The following CNTNAP5 variants were observed in gnomAD, a reference collection of about 807,000 sequenced individuals.
CNTNAP5 encodes contactin-associated protein-like 5.
Under a neutral mutation model 150.2 loss-of-function variants are expected in CNTNAP5, and 72 were observed. That is an observed-to-expected ratio of 0.48 (90% CI 0.40 to 0.58). The LOEUF (loss-of-function observed/expected upper bound fraction) is 0.58, where lower values mean the gene tolerates loss of function less well. CNTNAP5 is among the 20% of genes least tolerant of loss of function. The pLI is 0.00. For synonymous variants in CNTNAP5, 672 were observed against 619.8 expected (o/e 1.08, Z -1.25); for missense variants, 1,636 against 1,626.2 (o/e 1.01, Z -0.10).
At chr2:124,493,888 A>G (rs918044553) in intron 7 of CNTNAP5, among the ~76,000 whole-genome samples, 6 of 151,930 alleles carry the variant, frequency 3.9e-5, no homozygotes, top group African/African-American at 1.5e-4. Flanking sequence ...AAAGCAGCAT[A>G]TACTTGTATG....
chr2:124,915,153 C>T lies in CNTNAP5; in HGVS notation c.*865C>T, dbSNP rs1678737875. On this transcript the variant is annotated 3_prime_UTR_variant, in exon 24 of 24. Transcript: ENST00000682447. ...TGAGATATATATATATACACACACA[C>T]ACACATATGTGTATATATGTATATA... The T allele has an allele frequency of 6.0e-6, 1 of 165,796 alleles. No individual in the cohort carries two copies. Among genetic ancestry groups the T allele is most frequent in the Non-Finnish European group, 1.5e-5 (1 of 67,978 alleles). 10.3% of individuals were successfully genotyped at this position (165,796 alleles called of 1,614,324 possible).
At chr2:124,587,404 G>A (rs1696561736) in intron 11 of CNTNAP5, among the ~76,000 whole-genome samples, 1 of 152,146 alleles carries the variant, frequency 6.6e-6, no homozygotes, top group East Asian at 1.9e-4. Context: ...CCAGAAGGAA[G>A]AAATATTTAT....
chr2:124,711,608 A>G (rs961273702), intron 13 of CNTNAP5, among the ~76,000 whole-genome samples: 1 of 152,124 alleles, frequency 6.6e-6, no homozygotes, highest in Non-Finnish European at 1.5e-5. Flanking sequence ...CAGGTGGATC[A>G]TGAGGTCAGG....
intron 4 of CNTNAP5, among the ~76,000 whole-genome samples, chr2:124,420,141 C>T (rs1365024265): frequency 4.0e-5 from 6 of 151,732 alleles, no homozygotes; most frequent in African/African-American, 1.5e-4. Flanking sequence ...CAGGCGTGCA[C>T]CACCATGTCT....
At position 124,155,404 on chromosome 2, in the gene CNTNAP5, T is replaced by G. The variant is rs967283170; in HGVS notation, c.83-66301T>G. Reference sequence around the variant, plus strand: ...CTGAATCCGTGGTCTGTGTCTGCAGTTGGAAATATACAGGGCAGCAAATGT... The same window carrying G: ...CTGAATCCGTGGTCTGTGTCTGCAGGTGGAAATATACAGGGCAGCAAATGT... On this transcript the variant is annotated intron_variant, in intron 1 of 23. Transcript: ENST00000682447. 2.0e-5 allele frequency among the ~76,000 whole-genome samples: 3 copies of G among 152,166 alleles called. No homozygotes were observed. The East Asian group carries it at 5.8e-4, about 29-fold the overall frequency.
chr2:124,135,222 T>G (rs1683948588), intron 1 of CNTNAP5: 1 of 152,236 alleles, frequency 6.6e-6, no homozygotes, highest in African/African-American at 2.4e-5. Context: ...CGTTATCATT[T>G]GCAATATTTC....
chr2:124,828,343 T>C (rs1682642516), intron 19 of CNTNAP5, among the ~76,000 whole-genome samples: 2 of 152,128 alleles, frequency 1.3e-5, no homozygotes, highest in African/African-American at 4.8e-5. Context: ...TAGCCTGGCT[T>C]GGTGGCAGGC....
At chr2:124,268,831 A>C (rs541163201) in intron 3 of CNTNAP5, among the ~76,000 whole-genome samples, 2 of 152,266 alleles carry the variant, frequency 1.3e-5, no homozygotes, top group African/African-American at 4.8e-5. Context: ...CAGGCCCACA[A>C]GTGAGCTTAG....
chr2:124,616,864 A>G (rs904879129), intron 12 of CNTNAP5, among the ~76,000 whole-genome samples: 1 of 152,166 alleles, frequency 6.6e-6, no homozygotes, highest in Non-Finnish European at 1.5e-5. Context: ...TAGAGCAGTC[A>G]GAACACACAA....
rs535184793 is a variant in CNTNAP5, at chr2:124,182,697, A to C, written c.83-39008A>C. Reference sequence around the variant, plus strand: ...TTCTCCAATGTTTTTACAAGTTCCAAGCATTTGTCATATAACATTTCACTC... The same window carrying C: ...TTCTCCAATGTTTTTACAAGTTCCACGCATTTGTCATATAACATTTCACTC... On this transcript the variant is annotated intron_variant, in intron 1 of 23. Coordinates refer to ENST00000682447, the MANE Select transcript of CNTNAP5 (RefSeq NM_001367498.1). 2.6e-5 allele frequency among the ~76,000 whole-genome samples: 4 copies of C among 152,270 alleles called. No homozygotes were observed. The East Asian group carries it at 7.7e-4, about 29-fold the overall frequency.
intron 3 of CNTNAP5, among the ~76,000 whole-genome samples, chr2:124,265,915 G>C (rs1307150559): frequency 6.6e-6 from 1 of 152,000 alleles, no homozygotes; most frequent in Non-Finnish European, 1.5e-5. Flanking sequence ...AGCCACAAGG[G>C]GACAAACTGC....
At chr2:124,074,203 G>C (rs995434613) in intron 1 of CNTNAP5, among the ~76,000 whole-genome samples, 3 of 152,016 alleles carry the variant, frequency 2.0e-5, no homozygotes, top group Non-Finnish European at 2.9e-5. Flanking sequence ...AGGGTAGTGG[G>C]GATAGTGGAA....
intron 3 of CNTNAP5, among the ~76,000 whole-genome samples, chr2:124,302,476 A>G (rs1190508285): frequency 6.6e-6 from 1 of 152,172 alleles, no homozygotes; most frequent in Non-Finnish European, 1.5e-5. Flanking sequence ...GTGATGCATC[A>G]TCCCATGGCA....
rs112622235 is a variant in CNTNAP5 at position 124,191,276 on chromosome 2, A to G, written c.83-30429A>G. On this transcript the variant is annotated intron_variant, in intron 1 of 23. Coordinates refer to ENST00000682447, the MANE Select transcript of CNTNAP5 (RefSeq NM_001367498.1). The stretch of plus-strand genomic sequence containing the variant: ...AAACTTTTTGGTGTGGGATGTTTGG[A>G]GAAGATCTCAAAGGATGGGGATTCT... 3.1e-3 allele frequency among the ~76,000 whole-genome samples: 477 copies of G among 152,300 alleles called. 3 individuals are homozygous for G. Among genetic ancestry groups the G allele is most frequent in the African/African-American group, 0.01 (435 of 41,570 alleles).
intron 7 of CNTNAP5, among the ~76,000 whole-genome samples, chr2:124,485,066 T>G (rs1693840684): frequency 6.6e-6 from 1 of 152,088 alleles, no homozygotes; most frequent in African/African-American, 2.4e-5. Flanking sequence ...TGTCACAAGA[T>G]TCAGAAGACA....
At chr2:124,425,246 C>T (rs1692212213) in intron 4 of CNTNAP5, among the ~76,000 whole-genome samples, 1 of 152,140 alleles carries the variant, frequency 6.6e-6, no homozygotes, top group Non-Finnish European at 1.5e-5. Context: ...AAACATAAAA[C>T]CATACTAAAT....
At chr2:124,155,086 T>G (rs1369597643) in intron 1 of CNTNAP5, among the ~76,000 whole-genome samples, 3 of 151,014 alleles carry the variant, frequency 2.0e-5, no homozygotes, top group Admixed American at 6.6e-5. Context: ...TTTTTTTTTT[T>G]TTTTTTTTTT....
intron 13 of CNTNAP5, among the ~76,000 whole-genome samples, chr2:124,718,088 A>G (rs1232267365): frequency 1.3e-5 from 2 of 152,230 alleles, no homozygotes; most frequent in Non-Finnish European, 2.9e-5. Context: ...AAAATAAATG[A>G]GAAGACTAAC....
At chr2:124,444,868 G>T (rs1313870540) in intron 5 of CNTNAP5, among the ~76,000 whole-genome samples, 1 of 152,072 alleles carries the variant, frequency 6.6e-6, no homozygotes, top group Non-Finnish European at 1.5e-5. Flanking sequence ...TGTCCCTGCT[G>T]CATAAGGAGG....
Sources: gnomAD v4.1 joint callset for allele counts (sites outside exome capture counted in the v4.1 genomes callset) on GRCh38, gnomAD v4.1.1 for gene constraint, MANE v1.5 for transcripts, NCBI Gene and HGNC (gene_info 2026-07-23, HGNC 2026-07-21) for gene names.